Variants in CDH13 observed in about 807,000 individuals in gnomAD.
The protein encoded by CDH13 is cadherin-13.
Under a neutral mutation model 63.8 loss-of-function variants are expected in CDH13, and 24 were observed. The ratio of observed to expected loss-of-function variants is 0.38; its 90% CI spans 0.27 to 0.53. The LOEUF is 0.53. Among genes scored for constraint, CDH13 ranks in the 20% least tolerant of loss-of-function variants. The pLI, the probability that CDH13 is intolerant of heterozygous loss-of-function variation, is 0.85. For missense variants in CDH13, 1,049 were observed against 903.1 expected (o/e 1.16, Z -2.07); for synonymous variants, 503 against 355.3 (o/e 1.42, Z -4.67).
intron 2 of CDH13, among the ~76,000 whole-genome samples, chr16:83,026,806 C>T (rs1915848341): frequency 1.3e-5 from 2 of 152,146 alleles, no homozygotes; most frequent in Non-Finnish European, 2.9e-5. Context: ...ATTCAAAATG[C>T]ACACACTGAT....
At chr16:83,192,840 G>T (rs562380006) in intron 4 of CDH13, among the ~76,000 whole-genome samples, 10 of 152,184 alleles carry the variant, frequency 6.6e-5, no homozygotes, top group Non-Finnish European at 1.5e-4. Context: ...CATTGCAATC[G>T]ACTCGGGGCG....
chr16:82,688,952 C>T (rs1294619398), intron 1 of CDH13: 1 of 152,154 alleles, frequency 6.6e-6, no homozygotes, highest in East Asian at 1.9e-4. Flanking sequence ...AGTGCTGAGA[C>T]ATTAAAGATC....
At position 83,477,953 on chromosome 16, in the gene CDH13, G is replaced by A. The variant is rs559043362; in HGVS notation, c.782-8524G>A. ...TCCCAGCACTTTGGGAGGCCGAGTC[G>A]GGTGGATCACGAGGTCAGGAGATCG... On this transcript the variant is annotated intron_variant, in intron 6 of 13. Coordinates refer to ENST00000567109, the MANE Select transcript of CDH13 (RefSeq NM_001257.5). 1.2e-4 allele frequency among the ~76,000 whole-genome samples: 18 copies of A among 152,132 alleles called. No individual in the cohort carries two copies. The East Asian group carries it at 1.6e-3, about 13-fold the overall frequency.
chr16:83,656,869 C>T (rs1912918128), intron 8 of CDH13, among the ~76,000 whole-genome samples: 2 of 152,168 alleles, frequency 1.3e-5, no homozygotes, highest in African/African-American at 2.4e-5. Context: ...TTTCATCTCT[C>T]CAAGTCAATC....
intron 1 of CDH13, among the ~76,000 whole-genome samples, chr16:82,790,332 G>A (rs2036237520): frequency 6.6e-6 from 1 of 152,088 alleles, no homozygotes; most frequent in Admixed American, 6.5e-5. Flanking sequence ...CTACTCAGGA[G>A]GTTGAGGCAG....
chr16:83,025,108 A>T (rs1449825905), intron 2 of CDH13, among the ~76,000 whole-genome samples: 1 of 152,212 alleles, frequency 6.6e-6, no homozygotes. Context: ...GCCCAGAATT[A>T]TGGCAATAAT....
chr16:83,201,070 C>G (rs138208004), intron 4 of CDH13, among the ~76,000 whole-genome samples: 1 of 152,104 alleles, frequency 6.6e-6, no homozygotes, highest in African/African-American at 2.4e-5. Flanking sequence ...AGAACTGGTC[C>G]TTACCAGAAG....
Position 83,427,887 on chromosome 16 carries a change from G to C in CDH13, c.782-58590G>C, listed in dbSNP as rs111431003. On this transcript the variant is annotated intron_variant, in intron 6 of 13. Transcript: ENST00000567109. ...TGACTCCTTTCAGGGCCGTGAAGATGTTCCTTGGACCCAGGCAAAGGCAGA... is the reference window on the plus strand; with the variant it reads ...TGACTCCTTTCAGGGCCGTGAAGATCTTCCTTGGACCCAGGCAAAGGCAGA... Among the ~76,000 whole-genome samples, 534 of 152,320 alleles carry C rather than the reference G, an allele frequency of 3.5e-3. 7 individuals are homozygous for C. The highest frequency in any genetic ancestry group is 0.012 in the African/African-American group (516 of 41,576).
intron 1 of CDH13, among the ~76,000 whole-genome samples, chr16:82,777,355 T>C (rs2151107274): frequency 6.6e-6 from 1 of 152,338 alleles, no homozygotes; most frequent in African/African-American, 2.4e-5. Flanking sequence ...GAATATGCTA[T>C]AGAAAACTAA....
intron 2 of CDH13, among the ~76,000 whole-genome samples, chr16:82,991,484 C>A (rs1004643887): frequency 1.3e-5 from 2 of 152,152 alleles, no homozygotes; most frequent in Admixed American, 1.3e-4. Context: ...CTGCAAGGCC[C>A]TTGTTCAGTC....
chr16:82,982,432 C>G (rs981608688), intron 2 of CDH13, among the ~76,000 whole-genome samples: 1 of 152,154 alleles, frequency 6.6e-6, no homozygotes, highest in South Asian at 2.1e-4. Flanking sequence ...GCTCCGAAGT[C>G]CTAAAAAATC....
At chr16:83,140,549 G>T (rs553527983) in intron 4 of CDH13, among the ~76,000 whole-genome samples, 1 of 152,260 alleles carries the variant, frequency 6.6e-6, no homozygotes, top group East Asian at 1.9e-4. Flanking sequence ...GCTGTCTCAG[G>T]TTCAAGTGAT....
chr16:82,879,901 ATATAT>A (rs1162238166), intron 2 of CDH13, among the ~76,000 whole-genome samples: 2 of 143,128 alleles, frequency 1.4e-5, no homozygotes, highest in African/African-American at 5.1e-5. Context: ...CTATAGAAAT[ATATAT>A]TATATATTTA....
At chr16:83,375,426 T>C (rs1284990852) in intron 6 of CDH13, among the ~76,000 whole-genome samples, 3 of 152,176 alleles carry the variant, frequency 2.0e-5, no homozygotes, top group Non-Finnish European at 2.9e-5. Flanking sequence ...TATTTGTAGA[T>C]TAAAAATTGT....
rs1485737493 is a variant in CDH13 at position 83,015,705 on chromosome 16, A to G, written c.158-16305A>G. 1.5e-4 allele frequency among the ~76,000 whole-genome samples: 18 copies of G among 120,476 alleles called. 2 individuals carry two copies. In the South Asian group the frequency reaches 1.9e-3, roughly 13 times the overall value. The allele number at this position is 120,476 out of a possible 152,430, so 79.0% of individuals were successfully genotyped here. On this transcript the variant is annotated intron_variant, in intron 2 of 13. Coordinates refer to ENST00000567109, the MANE Select transcript of CDH13 (RefSeq NM_001257.5). Reference sequence around the variant, plus strand: ...TATATATATATATATATATATATATATATATATATATATATATAAAGAAAA... The same window carrying G: ...TATATATATATATATATATATATATGTATATATATATATATATAAAGAAAA...
At chr16:82,860,386 T>TGGGGGGGGGG (rs1212112335) in intron 2 of CDH13, among the ~76,000 whole-genome samples, 1 of 31,260 alleles carries the variant, frequency 3.2e-5, no homozygotes, top group African/African-American at 1.4e-4. Context: ...TGTGTGTGTG[T>TGGGGGGGGGG]GTGGGGGGGG....
chr16:82,662,277 A>G (rs1912038738), intron 1 of CDH13, among the ~76,000 whole-genome samples: 1 of 152,244 alleles, frequency 6.6e-6, no homozygotes, highest in Non-Finnish European at 1.5e-5. Context: ...GAGTGCAAAA[A>G]ACACAGAAAG....
intron 7 of CDH13, among the ~76,000 whole-genome samples, chr16:83,564,409 TTTTTTTG>T (rs2075757917): frequency 6.2e-5 from 2 of 32,350 alleles, no homozygotes; most frequent in South Asian, 6.8e-4. Flanking sequence ...TTTTTTTTTT[TTTTTTTG>T]TTTTTGTTTT....
At chr16:82,864,222 G>C (rs1353958939) in intron 2 of CDH13, among the ~76,000 whole-genome samples, 1 of 152,042 alleles carries the variant, frequency 6.6e-6, no homozygotes, top group African/African-American at 2.4e-5. Context: ...GAAGAGGCAG[G>C]GGTATTTCTT....
Sources: gnomAD v4.1 joint callset for allele counts (sites outside exome capture counted in the v4.1 genomes callset) on GRCh38, gnomAD v4.1.1 for gene constraint, MANE v1.5 for transcripts, NCBI Gene and HGNC (gene_info 2026-07-23, HGNC 2026-07-21) for gene names.